Variants in CD96 observed in about 807,000 individuals in gnomAD.
CD96 encodes T-cell surface protein tactile.
Under a neutral mutation model 71.3 loss-of-function variants are expected in CD96, and 70 were observed. The observed-to-expected ratio is 0.98, with a 90% CI of 0.81 to 1.20. The LOEUF (loss-of-function observed/expected upper bound fraction) is 1.20. CD96 is among the 50% of genes most tolerant of loss of function. The probability of loss-of-function intolerance (pLI) is 0.00; values close to 1 mark genes in which losing one functional copy is unlikely to be tolerated. For synonymous variants in CD96, 248 were observed against 233.0 expected (o/e 1.06, Z -0.59); for missense variants, 742 against 677.5 (o/e 1.10, Z -1.06).
chr3:111,556,408 T>C (rs1199329941), intron 2 of CD96, among the ~76,000 whole-genome samples: 2 of 117,108 alleles, frequency 1.7e-5, no homozygotes, highest in Non-Finnish European at 3.4e-5. Flanking sequence ...CCTGTGTCCA[T>C]GTGATCTCAT....
chr3:111,542,806 A>G (rs543906938), intron 1 of CD96, among the ~76,000 whole-genome samples: 16 of 152,208 alleles, frequency 1.1e-4, no homozygotes, highest in Non-Finnish European at 2.2e-4. Context: ...TTAATGAGGC[A>G]TGTGTAGGTA....
chr3:111,637,665 C>T (rs577316821), intron 11 of CD96, among the ~76,000 whole-genome samples: 5 of 152,300 alleles, frequency 3.3e-5, no homozygotes, highest in African/African-American at 1.2e-4. Flanking sequence ...CTGAACCTCT[C>T]ATACCAAGAG....
At position 111,561,315 on chromosome 3, in the gene CD96, C is replaced by T. The variant is rs1007971138; in HGVS notation, c.419-6208C>T. On this transcript the variant is annotated intron_variant, in intron 2 of 13. Transcript: ENST00000352690. ...TTTTAGAGTTTCCAGTTTTTCTGTT[C>T]TGTTTTTTCCCCATCTTTGTGGTTT... 3.4e-4 allele frequency among the ~76,000 whole-genome samples: 51 copies of T among 149,680 alleles called. No individual in the cohort carries two copies. In the East Asian group the frequency reaches 7.0e-3, roughly 21 times the overall value.
chr3:111,597,874 G>A (rs1937329740), intron 5 of CD96, among the ~76,000 whole-genome samples: 1 of 152,130 alleles, frequency 6.6e-6, no homozygotes, highest in South Asian at 2.1e-4. Flanking sequence ...TGGAACATTA[G>A]TATAGTCCTA....
chr3:111,654,430 TG>T (rs1489443040), downstream of CD96, among the ~76,000 whole-genome samples: 4 of 152,200 alleles, frequency 2.6e-5, no homozygotes, highest in African/African-American at 9.7e-5. Flanking sequence ...TGTTAAAGCT[TG>T]AATGGTGCAT....
At chr3:111,657,899 C>A (rs149419006) in intron 14 of CD96, among the ~76,000 whole-genome samples, 1 of 152,152 alleles carries the variant, frequency 6.6e-6, no homozygotes, top group African/African-American at 2.4e-5. Flanking sequence ...ATCTTAATCA[C>A]GTCTGTGTGT....
chr3:111,553,420 A>G (rs1934822488), intron 2 of CD96, among the ~76,000 whole-genome samples: 1 of 142,960 alleles, frequency 7.0e-6, no homozygotes, highest in East Asian at 2.1e-4. Context: ...GATAACATTT[A>G]GGTTTTCTTT....
At chr3:111,575,536 A>G (rs1043661470) in intron 3 of CD96, among the ~76,000 whole-genome samples, 2 of 152,234 alleles carry the variant, frequency 1.3e-5, no homozygotes, top group African/African-American at 4.8e-5. Flanking sequence ...ACGGGTTGAC[A>G]TTGGCAAGAG....
intron 14 of CD96, among the ~76,000 whole-genome samples, chr3:111,662,500 C>A (rs958837993): frequency 6.6e-6 from 1 of 152,182 alleles, no homozygotes; most frequent in Non-Finnish European, 1.5e-5. Flanking sequence ...AATATAAGTT[C>A]TAGTTTCAGG....
intron 8 of CD96, among the ~76,000 whole-genome samples, chr3:111,615,993 G>C: frequency 6.6e-6 from 1 of 151,904 alleles, no homozygotes; most frequent in East Asian, 1.9e-4. Flanking sequence ...TCATCTTCTC[G>C]AAATTTTTGT....
chr3:111,664,621 A>G (rs944095867), intron 14 of CD96, among the ~76,000 whole-genome samples: 3 of 152,196 alleles, frequency 2.0e-5, no homozygotes, highest in African/African-American at 4.8e-5. Context: ...CAATATCCTC[A>G]TGCAACTTGT....
intron 1 of CD96, among the ~76,000 whole-genome samples, chr3:111,544,248 G>A (rs941511499): frequency 1.8e-4 from 27 of 152,076 alleles, no homozygotes; most frequent in African/African-American, 5.6e-4. Flanking sequence ...AGGTTCAAGC[G>A]ATTCTCCTGC....
downstream of CD96, among the ~76,000 whole-genome samples, chr3:111,653,101 G>A (rs1484922717): frequency 6.6e-6 from 1 of 152,064 alleles, no homozygotes; most frequent in Non-Finnish European, 1.5e-5. Flanking sequence ...GAATATCATG[G>A]GCACGACTAA....
intron 2 of CD96, among the ~76,000 whole-genome samples, chr3:111,552,759 G>T (rs1386711763): frequency 6.6e-6 from 1 of 152,054 alleles, no homozygotes; most frequent in Non-Finnish European, 1.5e-5. Flanking sequence ...AGGAAGAAAG[G>T]GATTGTTTTG....
At chr3:111,547,848 G>A (rs1353190641) in intron 2 of CD96, among the ~76,000 whole-genome samples, 1 of 152,118 alleles carries the variant, frequency 6.6e-6, no homozygotes, top group Non-Finnish European at 1.5e-5. Context: ...AAATAGAAAA[G>A]AGCAAAACAG....
intron 10 of CD96, among the ~76,000 whole-genome samples, chr3:111,630,406 A>G (rs1339090197): frequency 6.6e-6 from 1 of 152,214 alleles, no homozygotes; most frequent in Admixed American, 6.5e-5. Flanking sequence ...TAAAAAATCT[A>G]GAAGAAATAG....
At chr3:111,663,876 G>A (rs1401272848) in intron 14 of CD96, among the ~76,000 whole-genome samples, 2 of 151,896 alleles carry the variant, frequency 1.3e-5, no homozygotes, top group East Asian at 1.9e-4. Flanking sequence ...AGCCTCCCGA[G>A]TAGCTGAGAC....
At chr3:111,589,970 T>C (rs1412824189) in intron 5 of CD96, among the ~76,000 whole-genome samples, 1 of 152,212 alleles carries the variant, frequency 6.6e-6, no homozygotes, top group East Asian at 1.9e-4. Flanking sequence ...CTTAGGAAGG[T>C]TAAATTTATG....
At position 111,585,322 on chromosome 3, in the gene CD96, G is replaced by T; in HGVS notation, c.752-1G>T. 1 of 1,608,128 alleles carries T rather than the reference G, an allele frequency of 6.2e-7. No homozygotes were observed. Among genetic ancestry groups the T allele is most frequent in the Non-Finnish European group, 8.5e-7 (1 of 1,174,674 alleles). ...CTAACTATGTTTTATTTGCCTTTAA[G>T]CTAAACCAGAAATCCCTGTGATTGT... is the stretch of plus-strand genomic sequence containing the variant. On this transcript the variant is annotated splice_acceptor_variant, in intron 4 of 13. Coordinates refer to ENST00000352690, the MANE Select transcript of CD96 (RefSeq NM_005816.5). LOFTEE classifies it high-confidence loss of function.
Sources: gnomAD v4.1 joint callset for allele counts (sites outside exome capture counted in the v4.1 genomes callset) on GRCh38, gnomAD v4.1.1 for gene constraint, MANE v1.5 for transcripts, NCBI Gene and HGNC (gene_info 2026-07-23, HGNC 2026-07-21) for gene names.